The following DNAH7 variants were observed in gnomAD, a reference collection of about 807,000 sequenced individuals.
DNAH7 encodes the protein dynein axonemal heavy chain 7.
DNAH7 carries 397 observed loss-of-function variants against 444.6 expected under a neutral mutation model. The observed-to-expected ratio is 0.89, with a 90% CI of 0.82 to 0.97. DNAH7 has a LOEUF of 0.97. Among genes scored for constraint, DNAH7 ranks in the 50% least tolerant of loss-of-function variants. DNAH7 has a pLI of 0.00. For synonymous variants in DNAH7, 1,636 were observed against 1,624.4 expected (o/e 1.01, Z -0.17); for missense variants, 4,902 against 4,800.8 (o/e 1.02, Z -0.62).
At chr2:195,740,208 C>T (rs1298220792) in intron 64 of DNAH7, among the ~76,000 whole-genome samples, 2 of 152,138 alleles carry the variant, frequency 1.3e-5, no homozygotes, top group Non-Finnish European at 2.9e-5. Flanking sequence ...TGGTCTCAAA[C>T]TCCCGACCTC....
intron 40 of DNAH7, among the ~76,000 whole-genome samples, chr2:195,868,531 C>T (rs996402464): frequency 6.0e-5 from 9 of 150,640 alleles, no homozygotes; most frequent in African/African-American, 2.2e-4. Context: ...ATCCTTTGCT[C>T]ACTTTTAAAT....
intron 36 of DNAH7, among the ~76,000 whole-genome samples, chr2:195,881,009 T>C (rs188567927): frequency 9.9e-5 from 15 of 151,980 alleles, no homozygotes; most frequent in South Asian, 6.2e-4. Context: ...TTTTTTTTTT[T>C]AATCCAGGCC....
At chr2:195,778,485 A>C (rs909180319) in intron 58 of DNAH7, among the ~76,000 whole-genome samples, 4 of 150,900 alleles carry the variant, frequency 2.7e-5, no homozygotes, top group Non-Finnish European at 5.9e-5. Flanking sequence ...CAAAAAAAAA[A>C]AAGTAACCAG....
chr2:196,059,202 A>C (rs1444170900), intron 1 of DNAH7, among the ~76,000 whole-genome samples: 1 of 152,162 alleles, frequency 6.6e-6, no homozygotes, highest in Non-Finnish European at 1.5e-5. Context: ...TCCTAAGGTG[A>C]ATATGTATTC....
intron 40 of DNAH7, among the ~76,000 whole-genome samples, chr2:195,870,755 A>G (rs1207127479): frequency 6.6e-6 from 1 of 152,178 alleles, no homozygotes; most frequent in Non-Finnish European, 1.5e-5. Flanking sequence ...ACTAGAAAAC[A>G]ATCCCTCACC....
chr2:195,880,330 CTTTTTTT>C (rs1042876508), intron 36 of DNAH7, among the ~76,000 whole-genome samples: 1 of 136,682 alleles, frequency 7.3e-6, no homozygotes, highest in African/African-American at 2.7e-5. Context: ...CTTTCTTTTT[CTTTTTTT>C]TTTTTTTTTG....
intron 46 of DNAH7, among the ~76,000 whole-genome samples, chr2:195,847,295 G>A (rs781156748): frequency 2.2e-4 from 34 of 151,678 alleles, no homozygotes; most frequent in Non-Finnish European, 4.3e-4. Flanking sequence ...TATACACCAT[G>A]GAATACTATG....
At chr2:195,761,693 T>G (rs1574390726) in intron 61 of DNAH7, among the ~76,000 whole-genome samples, 2 of 152,220 alleles carry the variant, frequency 1.3e-5, no homozygotes, top group Admixed American at 1.3e-4. Flanking sequence ...TTTAAAGTGC[T>G]GAAGGAACAA....
At position 195,858,638 on chromosome 2, in the gene DNAH7, C is replaced by A; in HGVS notation, c.7903G>T (p.Val2635Leu). 6.2e-7 allele frequency: 1 copy of A among 1,614,076 alleles called. No individual in the cohort carries two copies. The highest frequency in any genetic ancestry group is 1.1e-5 in the South Asian group (1 of 91,084). ...ATTTTTTCAGTTTTGGCAACTTCTA[C>A]AGACTCTTTCTCAATCATTATCATC... ...EMMIMIEKES[V>L]EVAKTEKIVK... The change falls in exon 43 of 65, where the codon GTA (valine) becomes TTA (leucine). Residue 2635 changes from valine to leucine, a missense_variant. Transcript: ENST00000312428.
intron 25 of DNAH7, among the ~76,000 whole-genome samples, chr2:195,908,115 T>C (rs1019722491): frequency 6.6e-6 from 1 of 152,060 alleles, no homozygotes; most frequent in African/African-American, 2.4e-5. Context: ...GGTCATTACA[T>C]AGATTCAAAA....
At chr2:195,750,933 A>T (rs1385573126) in intron 63 of DNAH7, among the ~76,000 whole-genome samples, 1 of 152,148 alleles carries the variant, frequency 6.6e-6, no homozygotes, top group African/African-American at 2.4e-5. Context: ...ATCTAACTAT[A>T]CTTTTAATTT....
At chr2:196,025,039 G>A (rs1372221447) in intron 7 of DNAH7, among the ~76,000 whole-genome samples, 1 of 152,180 alleles carries the variant, frequency 6.6e-6, no homozygotes, top group African/African-American at 2.4e-5. Context: ...CATTGTATGA[G>A]GTAGTATAAG....
chr2:195,958,364 T>C (rs748596744), intron 18 of DNAH7, among the ~76,000 whole-genome samples: 1 of 152,226 alleles, frequency 6.6e-6, no homozygotes, highest in Non-Finnish European at 1.5e-5. Context: ...CAGCCTACTT[T>C]AAGAATATAG....
intron 54 of DNAH7, among the ~76,000 whole-genome samples, chr2:195,801,345 T>C (rs956391718): frequency 6.6e-5 from 10 of 152,136 alleles, no homozygotes; most frequent in South Asian, 4.1e-4. Context: ...TGTTCATTTT[T>C]TAGTCACAAA....
intron 48 of DNAH7, among the ~76,000 whole-genome samples, chr2:195,825,531 G>A (rs1697701165): frequency 6.6e-6 from 1 of 152,032 alleles, no homozygotes; most frequent in South Asian, 2.1e-4. Flanking sequence ...TCAATTATTA[G>A]ATATTTGGAT....
chr2:195,934,929 A>G, intron 20 of DNAH7, 140 bp from the exon 21 acceptor site: 1 of 851,604 alleles, frequency 1.2e-6, no homozygotes, highest in Non-Finnish European at 1.8e-6. Context: ...CCCCAAAACA[A>G]ACAAACAAAA....
chr2:195,759,326 C>T (rs1396191951), intron 61 of DNAH7, among the ~76,000 whole-genome samples: 5 of 152,100 alleles, frequency 3.3e-5, no homozygotes, highest in Non-Finnish European at 7.4e-5. Flanking sequence ...AAGGGAAGTG[C>T]CCACTCCTGG....
At chr2:195,963,276 T>C (rs1453479027) in intron 17 of DNAH7, among the ~76,000 whole-genome samples, 1 of 152,238 alleles carries the variant, frequency 6.6e-6, no homozygotes, top group African/African-American at 2.4e-5. Context: ...ACAGCAGTTA[T>C]TGACTGTTTT....
chr2:195,884,130 T>C (rs1392103624), intron 35 of DNAH7, among the ~76,000 whole-genome samples: 1 of 152,218 alleles, frequency 6.6e-6, no homozygotes, highest in African/African-American at 2.4e-5. Context: ...GGAGTTGTTA[T>C]ACAAAAACCA....
Sources: allele counts gnomAD v4.1 joint callset (sites outside exome capture counted in the v4.1 genomes callset), GRCh38; gene constraint gnomAD v4.1.1; transcripts MANE v1.5; gene names NCBI Gene and HGNC (gene_info 2026-07-23, HGNC 2026-07-21).